PANK2: variants seen among roughly 807,000 people sequenced by gnomAD.
PANK2 encodes the protein pantothenate kinase 2, mitochondrial.
In PANK2, 36 loss-of-function variants were observed where a neutral mutation model predicts 43.1. The ratio of observed to expected loss-of-function variants is 0.84; its 90% CI spans 0.64 to 1.10. The LOEUF (loss-of-function observed/expected upper bound fraction) is 1.10, where lower values mean the gene tolerates loss of function less well. Among genes scored for constraint, PANK2 ranks in the 50% least tolerant of loss-of-function variants. PANK2 has a pLI of 0.00. For missense variants in PANK2, 576 were observed against 593.3 expected, an observed-to-expected ratio of 0.97 and a Z score of 0.30; for synonymous variants, 281 against 238.2, an observed-to-expected ratio of 1.18 and a Z score of -1.66.
chr20:3,912,532 T>C lies in PANK2; in HGVS notation c.980T>C (p.Met327Thr), dbSNP rs28939088. The C allele has an allele frequency of 6.2e-7, 1 of 1,614,198 alleles. No individual in the cohort carries two copies. The highest frequency in any genetic ancestry group is 8.5e-7 in the Non-Finnish European group (1 of 1,180,030). ...ACCACTTTTGAAGAAGCTCTTGAAA[T>C]GGCATCTCGTGGAGATAGCACCAAA... The change falls in exon 4 of 7, where the codon ATG becomes ACG. Residue 327 changes from methionine (M) to threonine (T), a missense_variant. Physicochemically the swap from Met to Thr is moderately conservative, Grantham distance 81. Coordinates refer to ENST00000610179, the MANE Select transcript of PANK2 (RefSeq NM_001386393.1).
At chr20:3,912,403 CTTG>C in intron 3 of PANK2, 52 bp from the exon 4 acceptor site, 1 of 1,583,112 alleles carries the variant, frequency 6.3e-7, no homozygotes, top group Non-Finnish European at 8.7e-7. Flanking sequence ...ATGTTAACTT[CTTG>C]TTCTTATTTT....
At chr20:3,898,830 T>C (rs2090252397) in intron 1 of PANK2, among the ~76,000 whole-genome samples, 1 of 151,978 alleles carries the variant, frequency 6.6e-6, no homozygotes, top group Admixed American at 6.6e-5. Flanking sequence ...AATGTTTGCA[T>C]GGTTTTGTTT....
At position 3,910,806 on chromosome 20, in the gene PANK2, A is replaced by T. The variant is rs752078407; in HGVS notation, c.881A>T (p.Asn294Ile). The change falls in exon 3 of 7, where the codon AAT becomes ATT. Residue 294 changes from asparagine (N) to isoleucine (I), a missense_variant. Transcript: ENST00000610179. ...ATCTTAGCAGTATATTCCAAAGATAATTACAAACGGGTCACAGGTACTAGG... is the reference window on the plus strand; with the variant it reads ...ATCTTAGCAGTATATTCCAAAGATATTTACAAACGGGTCACAGGTACTAGG... 1.8e-5 allele frequency: 29 copies of T among 1,614,068 alleles called. No individual in the cohort carries two copies. In the Admixed American group the frequency reaches 3.7e-4, roughly 20 times the overall value.
chr20:3,889,176 C>G (rs1178275314), upstream of PANK2: 9 of 1,608,806 alleles, frequency 5.6e-6, no homozygotes, highest in Middle Eastern at 1.7e-4. Flanking sequence ...GCTACACCGC[C>G]TTCTCTTCCT....
chr20:3,910,312 T>G (rs913072615), intron 2 of PANK2, among the ~76,000 whole-genome samples: 2 of 151,946 alleles, frequency 1.3e-5, no homozygotes, highest in South Asian at 2.1e-4. Flanking sequence ...TTTTTTGTTT[T>G]TTTTGTTTTT....
At chr20:3,888,935 C>T, upstream of PANK2, 1 of 592,236 alleles carries the variant, frequency 1.7e-6, no homozygotes. Flanking sequence ...TTTCGTCTGC[C>T]GACGACCAGC....
Position 3,889,567 on chromosome 20 carries a change from A to C in PANK2, c.137A>C (p.Glu46Ala). The change falls in exon 1 of 7, where the codon GAA becomes GCA. Residue 46 changes from glutamate to alanine, a missense_variant. This residue lies in a region of PANK2 where 544 missense variants were observed against 528.9 expected (regional missense o/e 1.03). Coordinates refer to ENST00000610179, the MANE Select transcript of PANK2 (RefSeq NM_001386393.1). ...GGGGAGCAGGCGGCCGGGGACCCCG[A>C]AGGGCGGCGGCAGGAGCCACTGCGG... 1.4e-6 allele frequency: 2 copies of C among 1,444,376 alleles called. No individual in the cohort carries two copies. The highest frequency in any genetic ancestry group is 1.8e-6 in the Non-Finnish European group (2 of 1,108,924). The allele number at this position is 1,444,376 out of a possible 1,614,324, so 89.5% of individuals were successfully genotyped here. A position where few individuals can be genotyped will look rare whatever the true frequency, so the allele number is the denominator to read the frequency against.
chr20:3,898,529 T>C (rs1024367517), intron 1 of PANK2, among the ~76,000 whole-genome samples: 1 of 152,144 alleles, frequency 6.6e-6, no homozygotes, highest in Admixed American at 6.6e-5. Context: ...TTAATAAATA[T>C]GTAAGGCTAG....
chr20:3,894,400 C>T (rs2090172213), intron 1 of PANK2, among the ~76,000 whole-genome samples: 1 of 150,986 alleles, frequency 6.6e-6, no homozygotes, highest in African/African-American at 2.4e-5. Context: ...GCTACCACGC[C>T]TGGCTAATTT....
chr20:3,907,189 C>T (rs534449393), intron 1 of PANK2, among the ~76,000 whole-genome samples: 105 of 149,268 alleles, frequency 7.0e-4, no homozygotes, highest in Non-Finnish European at 1.3e-3. Flanking sequence ...CTGCAGTCTC[C>T]ACCTCCCAGG....
chr20:3,901,556 G>A, intron 1 of PANK2: 3 of 952,542 alleles, frequency 3.1e-6, no homozygotes, highest in Non-Finnish European at 3.7e-6. Flanking sequence ...AGACAGAACT[G>A]CTGCTTGCTT....
chr20:3,889,836 C>G, intron 1 of PANK2, 108 bp downstream of exon 1: 24 of 1,536,880 alleles, frequency 1.6e-5, no homozygotes, highest in Non-Finnish European at 2.1e-5. Context: ...ACACTGTCCC[C>G]GCACGGTGGT....
chr20:3,916,795 C>G (rs1213411521), intron 4 of PANK2, 132 bp from the exon 5 acceptor site: 1 of 1,345,608 alleles, frequency 7.4e-7, no homozygotes, highest in Non-Finnish European at 1.0e-6. Flanking sequence ...TGCTCCATTG[C>G]AAAATAAAAG....
chr20:3,890,494 A>AG (rs1450278833), intron 1 of PANK2, among the ~76,000 whole-genome samples: 2 of 152,166 alleles, frequency 1.3e-5, no homozygotes, highest in Non-Finnish European at 2.9e-5. Flanking sequence ...CCCCTTTACA[A>AG]GTCTTCAATT....
Position 3,889,650 on chromosome 20 carries a change from C to T in PANK2, c.220C>T (p.Arg74Trp), listed in dbSNP as rs749296337. 5 of 1,583,242 alleles carry T rather than the reference C, an allele frequency of 3.2e-6. No homozygotes were observed. Among genetic ancestry groups the T allele is most frequent in the African/African-American group, 1.3e-5 (1 of 74,628 alleles). Residue 74 changes from arginine to tryptophan, a missense_variant, in exon 1 of 7, where the codon CGG (arginine) becomes TGG (tryptophan). Transcript: ENST00000610179. ...CGGGGCCTCGGCTGAGGGCACGAGG[C>T]GGGATCGACTGGGCTCTTACAGCGG... is the stretch of plus-strand genomic sequence containing the variant.
intron 1 of PANK2, among the ~76,000 whole-genome samples, chr20:3,905,898 A>G (rs1349042251): frequency 1.3e-5 from 2 of 151,232 alleles, no homozygotes; most frequent in South Asian, 2.1e-4. Flanking sequence ...TATTTTTAGT[A>G]GAGATGGGGG....
At chr20:3,896,537 A>G (rs1012730352) in intron 1 of PANK2, among the ~76,000 whole-genome samples, 5 of 152,142 alleles carry the variant, frequency 3.3e-5, no homozygotes, top group African/African-American at 4.8e-5. Flanking sequence ...AAGCCTCTGG[A>G]CTTAGTCATG....
upstream of PANK2, chr20:3,889,192 G>A (rs1310978152): frequency 3.7e-6 from 6 of 1,611,874 alleles, no homozygotes; most frequent in Non-Finnish European, 4.2e-6. Context: ...TTCCTCCGCG[G>A]AACCCGGATC....
chr20:3,905,785 G>C (rs890635219), intron 1 of PANK2, among the ~76,000 whole-genome samples: 4 of 133,266 alleles, frequency 3.0e-5, no homozygotes, highest in Non-Finnish European at 6.3e-5. Flanking sequence ...GTGCTGTCTT[G>C]GCTCACTGAA....
Sources: gnomAD v4.1 joint callset for allele counts (sites outside exome capture counted in the v4.1 genomes callset) on GRCh38, gnomAD v4.1.1 for gene constraint, gnomAD v4.1.1 regional missense constraint, MANE v1.5 for transcripts, NCBI Gene and HGNC (gene_info 2026-07-23, HGNC 2026-07-21) for gene names.